The following TMEM14B variants were observed in gnomAD, a reference collection of about 807,000 sequenced individuals.
TMEM14B encodes transmembrane protein 14B.
Under a neutral mutation model 14.8 loss-of-function variants are expected in TMEM14B, and 9 were observed. The observed-to-expected ratio is 0.61, with a 90% CI of 0.37 to 1.06. The LOEUF is 1.06. Among genes scored for constraint, TMEM14B ranks in the 50% least tolerant of loss-of-function variants. TMEM14B has a pLI of 0.01. For missense variants in TMEM14B, 128 were observed against 143.6 expected (o/e 0.89, Z 0.56); for synonymous variants, 40 against 51.3 (o/e 0.78, Z 0.94).
intron 4 of TMEM14B, among the ~76,000 whole-genome samples, chr6:10,751,701 C>T (rs938899670): frequency 6.6e-6 from 1 of 152,112 alleles, no homozygotes; most frequent in Non-Finnish European, 1.5e-5. Flanking sequence ...ACGTTTTTCA[C>T]ATTTGAAAAT....
At chr6:10,753,176 C>T (rs914499669) in intron 4 of TMEM14B, among the ~76,000 whole-genome samples, 4 of 151,936 alleles carry the variant, frequency 2.6e-5, no homozygotes, top group Non-Finnish European at 4.4e-5. Context: ...GTGGAGGTCG[C>T]GGTGAGCCGA....
chr6:10,757,647 A>G (rs182785326), downstream of TMEM14B, among the ~76,000 whole-genome samples: 33 of 152,302 alleles, frequency 2.2e-4, no homozygotes, highest in Admixed American at 1.1e-3. Context: ...TTTCAACATG[A>G]AGAATTAACT....
At chr6:10,748,559 T>G (rs1395092824) in intron 1 of TMEM14B, among the ~76,000 whole-genome samples, 1 of 152,200 alleles carries the variant, frequency 6.6e-6, no homozygotes, top group Non-Finnish European at 1.5e-5. Context: ...GGCCTAATTC[T>G]TTAAACAGAA....
chr6:10,749,073 G>A (rs1280213791), intron 1 of TMEM14B, 129 bp from the exon 2 acceptor site: 2 of 617,846 alleles, frequency 3.2e-6, no homozygotes, highest in Admixed American at 2.8e-5. Flanking sequence ...ATTGGTACCA[G>A]TGTTATCCTC....
chr6:10,753,779 C>T (rs1386264529), intron 4 of TMEM14B, among the ~76,000 whole-genome samples: 3 of 151,372 alleles, frequency 2.0e-5, no homozygotes, highest in Non-Finnish European at 4.4e-5. Context: ...CTGACTAATT[C>T]ATCAGCAGGT....
In TMEM14B at chr6:10,756,629, C is replaced by CA; in HGVS notation, c.*111_*112insA. On this transcript the variant is annotated 3_prime_UTR_variant, in exon 6 of 6. Coordinates refer to ENST00000379542, the MANE Select transcript of TMEM14B (RefSeq NM_030969.5). ...AGCATTTTTGCATCTGACATTTTAC[C>CA]TAAAAAAAAAAAGACACCAAATTTG... The CA allele has an allele frequency of 6.9e-7, 1 of 1,442,396 alleles. No individual in the cohort carries two copies. The allele number at this position is 1,442,396 out of a possible 1,614,324, so 89.3% of individuals were successfully genotyped here.
At chr6:10,755,560 G>A in intron 5 of TMEM14B, 1 of 1,295,936 alleles carries the variant, frequency 7.7e-7, no homozygotes, top group Non-Finnish European at 9.7e-7. Context: ...TCTTAGGTGT[G>A]TAGGTGTCTT....
At chr6:10,751,268 A>G (rs1365429727) in intron 4 of TMEM14B, 34 bp downstream of exon 4, 1 of 1,610,314 alleles carries the variant, frequency 6.2e-7, no homozygotes, top group South Asian at 1.1e-5. Flanking sequence ...TAGGGCAATC[A>G]TGTATCTGGA....
chr6:10,755,521 T>G (rs1771770477), intron 5 of TMEM14B: 1 of 1,374,448 alleles, frequency 7.3e-7, no homozygotes, highest in Middle Eastern at 2.7e-4. Context: ...TTTGTGTGAC[T>G]TGCGGAGGAT....
At chr6:10,748,615 A>G (rs1011811717) in intron 1 of TMEM14B, among the ~76,000 whole-genome samples, 21 of 152,194 alleles carry the variant, frequency 1.4e-4, no homozygotes, top group African/African-American at 4.8e-4. Flanking sequence ...TTCACTGCAT[A>G]CAGAATACTT....
At chr6:10,755,709 C>T (rs1421549099) in intron 5 of TMEM14B, 1 of 1,009,514 alleles carries the variant, frequency 9.9e-7, no homozygotes, top group Non-Finnish European at 1.2e-6. Context: ...AATCCAAGCA[C>T]AGTGGGAGGC....
Position 10,756,630 on chromosome 6 carries a change from T to A in TMEM14B, c.*112T>A, listed in dbSNP as rs1771813010. Reference sequence around the variant, plus strand: ...GCATTTTTGCATCTGACATTTTACCTAAAAAAAAAAAGACACCAAATTTGG... The same window carrying A: ...GCATTTTTGCATCTGACATTTTACCAAAAAAAAAAAAGACACCAAATTTGG... On this transcript the variant is annotated 3_prime_UTR_variant, in exon 6 of 6. Transcript: ENST00000379542. The A allele has an allele frequency of 8.8e-7, 1 of 1,132,270 alleles. No homozygotes were observed. The allele number at this position is 1,132,270 out of a possible 1,614,324, so 70.1% of individuals were successfully genotyped here.
At chr6:10,756,384 A>C in intron 5 of TMEM14B, 83 bp from the exon 6 acceptor site, 5 of 1,495,342 alleles carry the variant, frequency 3.3e-6, no homozygotes, top group African/African-American at 1.4e-5. Flanking sequence ...GTTGTGAGGA[A>C]CCTGCAGAGT....
At chr6:10,750,543 T>C (rs1771506850) in intron 3 of TMEM14B, among the ~76,000 whole-genome samples, 1 of 151,964 alleles carries the variant, frequency 6.6e-6, no homozygotes, top group South Asian at 2.1e-4. Flanking sequence ...GCAGGGGCTT[T>C]AAGACTATTA....
chr6:10,758,383 T>C (rs1227433017), downstream of TMEM14B, among the ~76,000 whole-genome samples: 1 of 152,182 alleles, frequency 6.6e-6, no homozygotes, highest in Non-Finnish European at 1.5e-5. Context: ...TAGATCCCCA[T>C]GTGACTATTT....
At chr6:10,753,651 C>A (rs1328372932) in intron 4 of TMEM14B, among the ~76,000 whole-genome samples, 1 of 151,968 alleles carries the variant, frequency 6.6e-6, no homozygotes, top group African/African-American at 2.4e-5. Flanking sequence ...GTCCACTTTC[C>A]TTCAGATGTC....
chr6:10,751,529 T>C (rs1771568182), intron 4 of TMEM14B, among the ~76,000 whole-genome samples: 1 of 152,034 alleles, frequency 6.6e-6, no homozygotes, highest in Admixed American at 6.6e-5. Context: ...GTTTACCCAG[T>C]AGAATTAGTA....
downstream of TMEM14B, chr6:10,758,863 A>G (rs886941919): frequency 1.3e-4 from 22 of 173,330 alleles, no homozygotes; most frequent in African/African-American, 5.3e-4. Context: ...AAGGCATGAA[A>G]CTATGTAGCA....
chr6:10,748,410 T>TTG (rs59276471), intron 1 of TMEM14B, among the ~76,000 whole-genome samples: 5,337 of 150,788 alleles, frequency 0.035, 120 homozygotes, highest in Non-Finnish European at 0.05. Flanking sequence ...CATGCCCGAT[T>TTG]TGTGTGTGTG....
Sources: allele counts gnomAD v4.1 joint callset (sites outside exome capture counted in the v4.1 genomes callset), GRCh38; gene constraint gnomAD v4.1.1; transcripts MANE v1.5; gene names NCBI Gene and HGNC (gene_info 2026-07-23, HGNC 2026-07-21).